Variants in KLHL13 observed in about 807,000 individuals in gnomAD.
KLHL13 encodes the protein kelch like family member 13, also known as kelch-like protein 13.
KLHL13 carries 10 observed loss-of-function variants against 37.1 expected under a neutral mutation model. That is an observed-to-expected ratio of 0.27 (90% CI 0.17 to 0.46). KLHL13 has a LOEUF of 0.46. KLHL13 is among the 20% of genes least tolerant of loss of function. The pLI, the probability that KLHL13 is intolerant of heterozygous loss-of-function variation, is 1.00. For synonymous variants in KLHL13, 163 were observed against 181.2 expected (o/e 0.90, Z 0.81); for missense variants, 360 against 509.3 (o/e 0.71, Z 2.82).
chrX:117,925,181 G>A (rs1320410727), intron 2 of KLHL13, among the ~76,000 whole-genome samples: 2 of 111,398 alleles, frequency 1.8e-5, no homozygotes, highest in Non-Finnish European at 3.8e-5. Context: ...GATGTCAATA[G>A]CTTTCAAGTG....
At chrX:117,960,088 C>T (rs998184501) in intron 1 of KLHL13, among the ~76,000 whole-genome samples, 16 of 110,232 alleles carry the variant, frequency 1.5e-4, no homozygotes, top group African/African-American at 5.3e-4. Context: ...TTTAAAATAC[C>T]ATCAGAAGGC....
intron 1 of KLHL13, among the ~76,000 whole-genome samples, chrX:117,948,194 G>T (rs1215151331): frequency 8.9e-6 from 1 of 111,787 alleles, no homozygotes; most frequent in Non-Finnish European, 1.9e-5. Context: ...CCAAAGGTGA[G>T]AAATCCTAAT....
At chrX:118,080,895 T>C (rs761730902) in intron 1 of KLHL13, among the ~76,000 whole-genome samples, 1 of 109,896 alleles carries the variant, frequency 9.1e-6, no homozygotes, top group Non-Finnish European at 1.9e-5. Context: ...ATAAAGAAAA[T>C]GTGGTACACA....
At chrX:118,099,874 A>AGAAGAAAGGAAG (rs2055264651) in intron 1 of KLHL13, among the ~76,000 whole-genome samples, 1 of 100,089 alleles carries the variant, frequency 1.0e-5, no homozygotes, top group African/African-American at 4.1e-5. Context: ...AAGGAAGGAA[A>AGAAGAAAGGAAG]GAAGAAAGGA....
At chrX:118,093,351 T>C (rs185626458) in intron 1 of KLHL13, among the ~76,000 whole-genome samples, 1 of 112,032 alleles carries the variant, frequency 8.9e-6, no homozygotes, top group African/African-American at 3.2e-5. Flanking sequence ...CACTACTTTA[T>C]CTAATTTCTA....
chrX:118,055,995 A>G (rs896759306), intron 1 of KLHL13, among the ~76,000 whole-genome samples: 2 of 111,513 alleles, frequency 1.8e-5, no homozygotes, highest in Non-Finnish European at 3.8e-5. Flanking sequence ...AAAGGCACCC[A>G]TATTGGAAAG....
At chrX:117,929,843 T>C (rs1932307281) in intron 2 of KLHL13, among the ~76,000 whole-genome samples, 1 of 102,109 alleles carries the variant, frequency 9.8e-6, no homozygotes, top group Non-Finnish European at 2.0e-5. Flanking sequence ...CACACACATA[T>C]AGTCCCAGCT....
At chrX:118,016,375 T>G (rs1375479774) in intron 1 of KLHL13, among the ~76,000 whole-genome samples, 2 of 111,679 alleles carry the variant, frequency 1.8e-5, no homozygotes, top group Non-Finnish European at 3.8e-5. Flanking sequence ...GTTAGCCTAC[T>G]TTACAGTCTT....
chrX:117,955,789 T>C (rs1050582459), intron 1 of KLHL13, among the ~76,000 whole-genome samples: 26 of 111,581 alleles, frequency 2.3e-4, no homozygotes, highest in Non-Finnish European at 4.7e-4. Flanking sequence ...CACAAAACTT[T>C]ATTATAAGAC....
At chrX:117,979,686 G>A (rs2053638297) in intron 1 of KLHL13, among the ~76,000 whole-genome samples, 1 of 111,346 alleles carries the variant, frequency 9.0e-6, no homozygotes, top group African/African-American at 3.2e-5. Flanking sequence ...ATATTTATCT[G>A]TTAATTTGAT....
intron 2 of KLHL13, among the ~76,000 whole-genome samples, chrX:117,922,306 T>C (rs1931752676): frequency 9.0e-6 from 1 of 111,454 alleles, no homozygotes; most frequent in South Asian, 3.8e-4. Context: ...GAATCACCTT[T>C]CAAATGTAGA....
At chrX:118,027,601 GCTCA>G (rs2148023720) in intron 1 of KLHL13, among the ~76,000 whole-genome samples, 1 of 108,346 alleles carries the variant, frequency 9.2e-6, no homozygotes, top group African/African-American at 3.4e-5. Flanking sequence ...TATCTGCCCA[GCTCA>G]CTCACTCACA....
chrX:118,106,139 C>T (rs1276011625), intron 1 of KLHL13, among the ~76,000 whole-genome samples: 1 of 106,484 alleles, frequency 9.4e-6, no homozygotes, highest in Non-Finnish European at 1.9e-5. Context: ...CCTCGTGATC[C>T]GCCCGCTTTG....
chrX:118,011,658 G>A (rs755040540), intron 1 of KLHL13, among the ~76,000 whole-genome samples: 1 of 111,126 alleles, frequency 9.0e-6, no homozygotes, highest in South Asian at 3.8e-4. Context: ...GGTCCAGGAT[G>A]ATGCCCGAGT....
At chrX:117,898,273 A>G (rs1254743266) in exon 7 of KLHL13, 1 of 112,646 alleles carries the variant, frequency 8.9e-6, no homozygotes, top group African/African-American at 3.2e-5. Flanking sequence ...GTTTATAAGT[A>G]GAGGGTTCAT....
chrX:118,008,803 A>G (rs762826036), intron 1 of KLHL13, among the ~76,000 whole-genome samples: 1 of 111,719 alleles, frequency 9.0e-6, no homozygotes, highest in South Asian at 3.8e-4. Flanking sequence ...GTGTGGCCTT[A>G]GACAATTTAC....
chrX:118,096,622 C>T (rs2055209548), intron 1 of KLHL13, among the ~76,000 whole-genome samples: 1 of 111,322 alleles, frequency 9.0e-6, no homozygotes, highest in South Asian at 3.8e-4. Context: ...AGAGACACAA[C>T]CAAAAAAGAG....
intron 1 of KLHL13, among the ~76,000 whole-genome samples, chrX:118,008,122 A>G (rs2054008014): frequency 9.0e-6 from 1 of 111,556 alleles, no homozygotes; most frequent in African/African-American, 3.3e-5. Context: ...ATTCCTGGTC[A>G]CATGTAACCC....
chrX:118,000,406 T>C lies in KLHL13; in HGVS notation c.-55-54831A>G, dbSNP rs575123455. Among the ~76,000 whole-genome samples the C allele has an allele frequency of 5.4e-4, 60 of 112,011 alleles. 1 individual carries two copies. The highest frequency in any genetic ancestry group is 1.9e-3 in the African/African-American group (59 of 30,685). On this transcript the variant is annotated intron_variant, in intron 1 of 6. Transcript: ENST00000371882. ...AGATTTTTACAACATCCAAAGATTA[T>C]AACCAACAGCAATGTATTTCCTTGC...
Sources: allele counts gnomAD v4.1 joint callset (sites outside exome capture counted in the v4.1 genomes callset), GRCh38; gene constraint gnomAD v4.1.1; transcripts MANE v1.5; gene names NCBI Gene and HGNC (gene_info 2026-07-23, HGNC 2026-07-21).